Variants in DNAH11 observed in about 807,000 individuals in gnomAD.
DNAH11 encodes the protein dynein axonemal heavy chain 11, also known as axonemal beta dynein heavy chain 11.
DNAH11 carries 442 observed loss-of-function variants against 526.0 expected under a neutral mutation model. That is an observed-to-expected ratio of 0.84 (90% CI 0.78 to 0.91). The LOEUF is 0.91. DNAH11 is among the 40% of genes least tolerant of loss of function. DNAH11 has a pLI of 0.00. For synonymous variants in DNAH11, 2,461 were observed against 1,935.9 expected (o/e 1.27, Z -7.12); for missense variants, 6,989 against 5,448.7 (o/e 1.28, Z -8.90).
At chr7:21,859,909 A>G (rs1583782531) in intron 68 of DNAH11, among the ~76,000 whole-genome samples, 2 of 152,170 alleles carry the variant, frequency 1.3e-5, no homozygotes, top group African/African-American at 4.8e-5. Flanking sequence ...AACACAGCAA[A>G]TAACCAGATT....
At chr7:21,569,308 GT>G (rs1383351350) in intron 6 of DNAH11, among the ~76,000 whole-genome samples, 2 of 152,130 alleles carry the variant, frequency 1.3e-5, no homozygotes, top group African/African-American at 2.4e-5. Context: ...GTTAAGATGC[GT>G]CAGGAAGAGG....
intron 42 of DNAH11, among the ~76,000 whole-genome samples, chr7:21,714,961 G>A (rs895145329): frequency 1.3e-5 from 2 of 152,112 alleles, no homozygotes; most frequent in African/African-American, 4.8e-5. Flanking sequence ...ATATTCTTCT[G>A]GCTTTGTGTC....
intron 79 of DNAH11, among the ~76,000 whole-genome samples, chr7:21,898,417 A>G (rs958235408): frequency 4.6e-5 from 7 of 152,172 alleles, no homozygotes; most frequent in African/African-American, 1.7e-4. Flanking sequence ...TCAGGCAGAC[A>G]TGTTCTGCCA....
At chr7:21,811,511 A>G (rs761175512) in intron 63 of DNAH11, among the ~76,000 whole-genome samples, 7 of 152,060 alleles carry the variant, frequency 4.6e-5, no homozygotes, top group Middle Eastern at 3.2e-3. Flanking sequence ...CGAGGGACCT[A>G]GAGCATTCAC....
intron 26 of DNAH11, among the ~76,000 whole-genome samples, chr7:21,636,757 C>G (rs1786883929): frequency 6.6e-6 from 1 of 152,008 alleles, no homozygotes; most frequent in Admixed American, 6.6e-5. Flanking sequence ...ATTTAAAAAC[C>G]ATTTTTAGCT....
Position 21,543,187 on chromosome 7 carries a change from G to T in DNAH11, c.-59G>T. 6.9e-7 allele frequency: 1 copy of T among 1,453,582 alleles called. No homozygotes were observed. Among genetic ancestry groups the T allele is most frequent in the Non-Finnish European group, 9.0e-7 (1 of 1,109,456 alleles). The allele number at this position is 1,453,582 out of a possible 1,614,324, so 90.0% of individuals were successfully genotyped here. On this transcript the variant is annotated 5_prime_UTR_variant, in exon 1 of 82. Coordinates refer to ENST00000409508, the MANE Select transcript of DNAH11 (RefSeq NM_001277115.2). ...CGGAGGTGTCCTCGCTCACTTCGGG[G>T]GGCCCAGAGTCTCGGGTGAGGAGCC...
chr7:21,570,195 T>A lies in DNAH11; in HGVS notation c.1321T>A (p.Leu441Met). ...KNSFFNYRKK[L>M]ASYFMGRKLR... ...CTCCTTTTTCAACTATAGAAAAAAA[T>A]TGGCAAGCTACTTTATGGGAAGAAA... The change falls in exon 7 of 82, where the codon TTG becomes ATG. Residue 441 changes from leucine (L) to methionine (M), a missense_variant. Coordinates refer to ENST00000409508, the MANE Select transcript of DNAH11 (RefSeq NM_001277115.2). 1 of 1,613,480 alleles carries A rather than the reference T, an allele frequency of 6.2e-7. No homozygotes were observed. The highest frequency in any genetic ancestry group is 8.5e-7 in the Non-Finnish European group (1 of 1,179,732).
chr7:21,889,918 T>A (rs1784270910), intron 76 of DNAH11, among the ~76,000 whole-genome samples: 1 of 152,188 alleles, frequency 6.6e-6, no homozygotes, highest in African/African-American at 2.4e-5. Flanking sequence ...TATATTAAAG[T>A]CTTGATGGTT....
intron 54 of DNAH11, among the ~76,000 whole-genome samples, chr7:21,763,345 AAAAAAAAAAAAG>A (rs1787009154): frequency 4.2e-5 from 3 of 71,676 alleles, no homozygotes; most frequent in Admixed American, 1.4e-4. Context: ...GTCTCAAAAA[AAAAAAAAAAAAG>A]AAAAAAAAAA....
intron 28 of DNAH11, among the ~76,000 whole-genome samples, chr7:21,653,501 A>G (rs539352268): frequency 1.3e-5 from 2 of 152,304 alleles, no homozygotes; most frequent in South Asian, 4.1e-4. Context: ...GTAATGTGTG[A>G]GGGTGTCTGA....
chr7:21,624,488 A>G (rs541920676), intron 25 of DNAH11, among the ~76,000 whole-genome samples: 3 of 152,316 alleles, frequency 2.0e-5, no homozygotes, highest in South Asian at 4.1e-4. Context: ...TAAATATAAG[A>G]TTATGTCATC....
chr7:21,683,717 T>G, intron 31 of DNAH11, 67 bp from the exon 32 acceptor site: 7 of 1,446,972 alleles, frequency 4.8e-6, no homozygotes, highest in Non-Finnish European at 6.4e-6. Context: ...GTAGAGTTGA[T>G]TAGATTAATA....
chr7:21,616,406 CAG>C (rs765850887), intron 22 of DNAH11, 114 bp downstream of exon 22: 18 of 758,484 alleles, frequency 2.4e-5, no homozygotes, highest in Non-Finnish European at 3.3e-5. Context: ...TTACTTCTAA[CAG>C]AGTGATAGCA....
chr7:21,899,792 C>G (rs571495307), intron 80 of DNAH11, among the ~76,000 whole-genome samples, 188 bp from the exon 81 acceptor site: 1 of 152,218 alleles, frequency 6.6e-6, no homozygotes, highest in African/African-American at 2.4e-5. Flanking sequence ...ATAAAACTAT[C>G]TACAGAAACA....
chr7:21,841,613 T>G (rs1042580622), intron 65 of DNAH11, among the ~76,000 whole-genome samples: 1 of 151,370 alleles, frequency 6.6e-6, no homozygotes, highest in Non-Finnish European at 1.5e-5. Flanking sequence ...AGTGTGGGGG[T>G]GTGTGAGTGT....
intron 8 of DNAH11, among the ~76,000 whole-genome samples, chr7:21,578,593 C>T (rs1784190082): frequency 6.6e-6 from 1 of 152,212 alleles, no homozygotes; most frequent in African/African-American, 2.4e-5. Flanking sequence ...CTCACAGCTC[C>T]ACTAGGTAGT....
In DNAH11 at chr7:21,704,480, C is replaced by G; in HGVS notation, c.6320C>G (p.Thr2107Ser). 1 of 1,613,760 alleles carries G rather than the reference C, an allele frequency of 6.2e-7. No homozygotes were observed. Residue 2107 changes from threonine (T) to serine (S), a missense_variant, in exon 38 of 82, where the codon ACT becomes AGT. Thr to Ser is a moderately conservative substitution (Grantham distance 58). Coordinates refer to ENST00000409508, the MANE Select transcript of DNAH11 (RefSeq NM_001277115.2). ...GATTTCAATATGCCCAAAATAGTGA[C>G]TGACGACATCCCAGTGTTTCTGGGC... ...LRDFNMPKIVTDDIPVFLGLV... is the reference protein window; with the variant it reads ...LRDFNMPKIVSDDIPVFLGLV...
At chr7:21,872,262 G>A (rs899253506) in intron 73 of DNAH11, among the ~76,000 whole-genome samples, 1 of 151,766 alleles carries the variant, frequency 6.6e-6, no homozygotes, top group Non-Finnish European at 1.5e-5. Flanking sequence ...ATTTGGGGGT[G>A]CATAATTCTG....
intron 23 of DNAH11, 114 bp from the exon 24 acceptor site, chr7:21,618,986 A>T: frequency 1.5e-6 from 2 of 1,335,286 alleles, no homozygotes; most frequent in Admixed American, 2.0e-5. Context: ...CGAGAGATGT[A>T]CTCAGCACCT....
Sources: gnomAD v4.1 joint callset for allele counts (sites outside exome capture counted in the v4.1 genomes callset) on GRCh38, gnomAD v4.1.1 for gene constraint, MANE v1.5 for transcripts, NCBI Gene and HGNC (gene_info 2026-07-23, HGNC 2026-07-21) for gene names.